ANKRD28: variants seen among roughly 807,000 people sequenced by gnomAD.
ANKRD28 encodes ankyrin repeat domain 28, also known as serine/threonine-protein phosphatase 6 regulatory ankyrin repeat subunit A.
ANKRD28 carries 44 observed loss-of-function variants against 126.5 expected under a neutral mutation model. The ratio of observed to expected loss-of-function variants is 0.35; its 90% CI spans 0.27 to 0.45. The LOEUF (loss-of-function observed/expected upper bound fraction) is 0.45. ANKRD28 is among the 20% of genes least tolerant of loss of function. ANKRD28 has a pLI of 1.00. For synonymous variants in ANKRD28, 442 were observed against 468.5 expected (o/e 0.94, Z 0.73); for missense variants, 1,110 against 1,316.6 (o/e 0.84, Z 2.43).
In ANKRD28 at chr3:15,796,648, T is replaced by A; in HGVS notation, c.-127A>T. 1.0e-6 allele frequency: 1 copy of A among 999,592 alleles called. No individual in the cohort carries two copies. The highest frequency in any genetic ancestry group is 3.9e-5 in the South Asian group (1 of 25,792). The allele number at this position is 999,592 out of a possible 1,614,324, so 61.9% of individuals were successfully genotyped here. ...TCTCTGAACAGCACAGCTGGGTTTT[T>A]TTTTTTTTTAAAGTTAATAAGTACT... On this transcript the variant is annotated 5_prime_UTR_variant, in exon 1 of 28. Transcript: ENST00000683139.
rs1301161865 is a variant in ANKRD28 at position 15,853,371 on chromosome 3, TA to T, written c.27+6005del. 6.6e-6 allele frequency among the ~76,000 whole-genome samples: 1 copy of T among 152,174 alleles called. No homozygotes were observed. Among genetic ancestry groups the T allele is most frequent in the African/African-American group, 2.4e-5 (1 of 41,450 alleles). ...TAAATTTTACATTAGACTAGAAAATTAAAAAGGAAATAAGACAAAATGCTGA... is the reference window on the plus strand; with the variant it reads ...TAAATTTTACATTAGACTAGAAAATTAAAAGGAAATAAGACAAAATGCTGA... On this transcript the variant is annotated intron_variant, in intron 1 of 27. Transcript: ENST00000399451. The surrounding 1 kb of genome is among the most constrained non-coding windows in gnomAD (Gnocchi z 4.2).
intron 4 of ANKRD28, among the ~76,000 whole-genome samples, chr3:15,742,090 C>A (rs1286340268): frequency 6.6e-6 from 1 of 152,220 alleles, no homozygotes; most frequent in African/African-American, 2.4e-5. Context: ...CTCGCTACAA[C>A]CTCCACCTCC....
At chr3:15,751,883 T>A in intron 3 of ANKRD28, 63 bp from the exon 4 acceptor site, 1 of 1,126,980 alleles carries the variant, frequency 8.9e-7, no homozygotes. Context: ...ATAAATCTCC[T>A]GAAATAGTAG....
At chr3:15,756,525 G>C (rs1264799210) in intron 3 of ANKRD28, 1 of 985,210 alleles carries the variant, frequency 1.0e-6, no homozygotes, top group Non-Finnish European at 1.2e-6. Context: ...CAGCTGAAGA[G>C]AGGTCTAACG....
chr3:15,684,934 G>C (rs577423018), intron 21 of ANKRD28: 117 of 324,352 alleles, frequency 3.6e-4, no homozygotes, highest in African/African-American at 2.5e-3. Flanking sequence ...GACCAGCCTG[G>C]GCAACATAGC....
At chr3:15,725,282 G>A (rs1387722749) in intron 6 of ANKRD28, among the ~76,000 whole-genome samples, 1 of 152,108 alleles carries the variant, frequency 6.6e-6, no homozygotes, top group Non-Finnish European at 1.5e-5. Context: ...TCTGATTTTG[G>A]TATCCAAAGG....
At position 15,668,446 on chromosome 3, in the gene ANKRD28, G is replaced by T. The variant is rs2066091177; in HGVS notation, c.*1824C>A. ...TTCCTACTACTAATAATTAGGAAGG[G>T]TTCATTATGACTTCTTTATATTATA... On this transcript the variant is annotated 3_prime_UTR_variant, in exon 28 of 28. Transcript: ENST00000683139. The T allele has an allele frequency of 6.6e-6, 1 of 151,934 alleles. No individual in the cohort carries two copies. 9.4% of individuals were successfully genotyped at this position (151,934 alleles called of 1,614,324 possible). A position where few individuals can be genotyped will look rare whatever the true frequency, so the allele number is the denominator to read the frequency against.
chr3:15,771,869 T>C lies in ANKRD28; in HGVS notation c.202-5557A>G, dbSNP rs191195414. ...GTTCTTTGGCCATAACAAAATTAAA[T>C]TGGAAATAAATAACAGAAAGATAAC... On this transcript the variant is annotated intron_variant, in intron 2 of 27. Coordinates refer to ENST00000683139, the MANE Select transcript of ANKRD28 (RefSeq NM_001349278.2). 4.2e-4 allele frequency among the ~76,000 whole-genome samples: 64 copies of C among 152,218 alleles called. No individual in the cohort carries two copies. The East Asian group carries it at 6.0e-3, about 14-fold the overall frequency.
At position 15,839,702 on chromosome 3, in the gene ANKRD28, T is replaced by C. The variant is rs1559589170; in HGVS notation, c.27+19675A>G. On this transcript the variant is annotated intron_variant, in intron 1 of 27. Transcript: ENST00000399451. This position sits in a 1 kb window ranked among gnomAD's most constrained non-coding sequence, Gnocchi z 4.3. ...ACACACTAAAAAAAATCATTCATCA[T>C]GACCAAGTGGGACTTATCCCCCGAG... is the stretch of plus-strand genomic sequence containing the variant. Among the ~76,000 whole-genome samples, 1 of 152,186 alleles carries C rather than the reference T, an allele frequency of 6.6e-6. No homozygotes were observed. Among genetic ancestry groups the C allele is most frequent in the Non-Finnish European group, 1.5e-5 (1 of 68,024 alleles).
chr3:15,815,444 G>A lies in ANKRD28; in HGVS notation c.28-20138C>T, dbSNP rs2060813287. 6.6e-6 allele frequency among the ~76,000 whole-genome samples: 1 copy of A among 152,098 alleles called. No individual in the cohort carries two copies. Among genetic ancestry groups the A allele is most frequent in the Non-Finnish European group, 1.5e-5 (1 of 68,020 alleles). ...CCTCAGTAGCTGCGACCACAGGCATGCATAACCTCACCCAGTTAATTTTTT... is the reference window on the plus strand; with the variant it reads ...CCTCAGTAGCTGCGACCACAGGCATACATAACCTCACCCAGTTAATTTTTT... On this transcript the variant is annotated intron_variant, in intron 1 of 27. Coordinates refer to the ANKRD28 transcript ENST00000399451. This position sits in a 1 kb window ranked among gnomAD's most constrained non-coding sequence, Gnocchi z 4.1.
chr3:15,827,603 G>T (rs576368131), intron 1 of ANKRD28, among the ~76,000 whole-genome samples: 82 of 152,174 alleles, frequency 5.4e-4, no homozygotes, highest in African/African-American at 1.9e-3. Flanking sequence ...ATGGCCCTGG[G>T]ACCCTCAAAG....
Position 15,797,915 on chromosome 3 carries a change from A to G in ANKRD28, c.-1394T>C. 1.0e-6 allele frequency: 1 copy of G among 985,412 alleles called. No individual in the cohort carries two copies. The highest frequency in any genetic ancestry group is 1.2e-6 in the Non-Finnish European group (1 of 829,946). The allele number at this position is 985,412 out of a possible 1,614,324, so 61.0% of individuals were successfully genotyped here. On this transcript the variant is annotated 5_prime_UTR_variant, in exon 1 of 28. Transcript: ENST00000683139. ...CCAACGGAGCAACAGTCTGAAGAGC[A>G]AAGACTGCAGACCCACAGGATGAAA...
intron 8 of ANKRD28, among the ~76,000 whole-genome samples, chr3:15,716,190 C>T (rs911084651): frequency 6.6e-5 from 10 of 151,640 alleles, no homozygotes; most frequent in African/African-American, 1.9e-4. Context: ...CCATGTTGGC[C>T]AGGCTTGTCT....
chr3:15,674,199 G>GAAA lies in ANKRD28; in HGVS notation c.2965+1698_2965+1699insTTT, dbSNP rs1465227879. Among the ~76,000 whole-genome samples the GAAA allele has an allele frequency of 2.7e-4, 15 of 56,104 alleles. No homozygotes were observed. The East Asian group carries it at 8.4e-3, about 32-fold the overall frequency. The allele number at this position is 56,104 out of a possible 152,430, so 36.8% of individuals were successfully genotyped here. On this transcript the variant is annotated intron_variant, in intron 27 of 27. Coordinates refer to ENST00000683139, the MANE Select transcript of ANKRD28 (RefSeq NM_001349278.2). ...CAAAAAAAAAAAAAAAAAAAAAAAA[G>GAAA]AAGAAGAACCGAAATTCAAGAGTAA...
chr3:15,732,868 T>TTTA (rs1296834297), intron 6 of ANKRD28: 1 of 152,296 alleles, frequency 6.6e-6, no homozygotes, highest in African/African-American at 2.4e-5. Context: ...AGATGGCTGC[T>TTTA]TTAAGACATC....
chr3:15,781,076 A>G (rs935004643), intron 2 of ANKRD28, among the ~76,000 whole-genome samples: 2 of 152,080 alleles, frequency 1.3e-5, no homozygotes, highest in African/African-American at 4.8e-5. Context: ...ACTGCATTAA[A>G]TGAAAAAGCT....
At chr3:15,760,257 T>G (rs1210971077) in intron 3 of ANKRD28, among the ~76,000 whole-genome samples, 2 of 152,166 alleles carry the variant, frequency 1.3e-5, no homozygotes, top group Non-Finnish European at 2.9e-5. Flanking sequence ...AATATATGGA[T>G]GATGAAATAA....
At chr3:15,840,932 G>T (rs2061414406) in intron 1 of ANKRD28, among the ~76,000 whole-genome samples, 1 of 152,202 alleles carries the variant, frequency 6.6e-6, no homozygotes. Flanking sequence ...CTTGAGGTCA[G>T]GAGTTTGAGA....
At chr3:15,705,431 G>C (rs1244085368) in intron 14 of ANKRD28, among the ~76,000 whole-genome samples, 1 of 152,176 alleles carries the variant, frequency 6.6e-6, no homozygotes, top group African/African-American at 2.4e-5. Flanking sequence ...TCTCTCAGCG[G>C]AATCTGGATC....
Sources: allele counts gnomAD v4.1 joint callset (sites outside exome capture counted in the v4.1 genomes callset), GRCh38; gene constraint gnomAD v4.1.1; non-coding constraint Gnocchi (gnomAD v3.1); transcripts MANE v1.5; gene names NCBI Gene and HGNC (gene_info 2026-07-23, HGNC 2026-07-21).